Variants in MCM3AP observed in about 807,000 individuals in gnomAD.
MCM3AP encodes the protein minichromosome maintenance complex component 3 associated protein.
A neutral mutation model predicts 184.1 loss-of-function variants in MCM3AP; 126 were observed. The ratio of observed to expected loss-of-function variants is 0.68; its 90% CI spans 0.59 to 0.79. MCM3AP has a LOEUF of 0.79. MCM3AP is among the 30% of genes least tolerant of loss of function. The pLI, the probability that MCM3AP is intolerant of heterozygous loss-of-function variation, is 0.00. For synonymous variants in MCM3AP, 1,002 were observed against 979.3 expected (o/e 1.02, Z -0.43); for missense variants, 2,496 against 2,479.2 (o/e 1.01, Z -0.14).
In MCM3AP at chr21:46,261,401, C is replaced by T; in HGVS notation, c.3346G>A (p.Ala1116Thr). The T allele has an allele frequency of 6.2e-7, 1 of 1,614,028 alleles. No individual in the cohort carries two copies. Among genetic ancestry groups the T allele is most frequent in the Non-Finnish European group, 8.5e-7 (1 of 1,179,968 alleles). Residue 1116 changes from alanine to threonine, a missense_variant, in exon 14 of 28, where the codon GCT becomes ACT. This residue lies in a region of MCM3AP where 1,323 missense variants were observed against 1,273.4 expected (regional missense o/e 1.04). Coordinates refer to ENST00000291688, the MANE Select transcript of MCM3AP (RefSeq NM_003906.5). Reference sequence around the variant, plus strand: ...GCTGTTAACAAATCCTCCATAGCAGCATTAGAAACACTAAACGGAGCAAAG... The same window carrying T: ...GCTGTTAACAAATCCTCCATAGCAGTATTAGAAACACTAAACGGAGCAAAG... Reference protein sequence around the residue: ...YAAAALGVSNAAMEDLLTAAT... With the variant: ...YAAAALGVSNTAMEDLLTAAT...
At chr21:46,246,248 C>T in intron 22 of MCM3AP, 59 bp downstream of exon 22, 2 of 1,042,202 alleles carry the variant, frequency 1.9e-6, no homozygotes, top group Non-Finnish European at 1.5e-6. Flanking sequence ...ATTCAAGATA[C>T]AGCAAAAGGG....
At chr21:46,278,926 G>C (rs1186625039) in intron 4 of MCM3AP, among the ~76,000 whole-genome samples, 1 of 129,838 alleles carries the variant, frequency 7.7e-6, no homozygotes, top group Non-Finnish European at 1.6e-5. Flanking sequence ...GCCCGCCTTG[G>C]CCTCCCAAAG....
chr21:46,284,855 G>C lies in MCM3AP; in HGVS notation c.432C>G (p.Phe144Leu). The change falls in exon 1 of 28, where the codon TTC (phenylalanine) becomes TTG (leucine). Residue 144 changes from phenylalanine (F) to leucine (L), a missense_variant. Phe to Leu is a conservative substitution (Grantham distance 22). This residue lies in a region of MCM3AP where 800 missense variants were observed against 717.1 expected (regional missense o/e 1.12). Transcript: ENST00000291688. ...CTGCATTTTCCAGAGGTTTAAAGCT[G>C]AATTCTGTTTTCCCAAAACCAGAGT... Reference protein sequence around the residue: ...IVNSGFGKTEFSFKPLENAVF... With the variant: ...IVNSGFGKTELSFKPLENAVF... 1 of 1,614,150 alleles carries C rather than the reference G, an allele frequency of 6.2e-7. No individual in the cohort carries two copies. Among genetic ancestry groups the C allele is most frequent in the Non-Finnish European group, 8.5e-7 (1 of 1,180,036 alleles).
chr21:46,261,459 G>A lies in MCM3AP; in HGVS notation c.3336-48C>T, dbSNP rs567676269. 5.6e-5 allele frequency: 89 copies of A among 1,594,428 alleles called. No homozygotes were observed. The South Asian group carries it at 7.0e-4, about 13-fold the overall frequency. On this transcript the variant is annotated intron_variant, in intron 13 of 27. Coordinates refer to ENST00000291688, the MANE Select transcript of MCM3AP (RefSeq NM_003906.5). Reference sequence around the variant, plus strand: ...CATTCAAAATCAGAGTCAAGGCCGGGTGCGGTGGCTCACGCCTGTAATCCC... The same window carrying A: ...CATTCAAAATCAGAGTCAAGGCCGGATGCGGTGGCTCACGCCTGTAATCCC...
At chr21:46,282,493 G>T (rs564957108) in intron 2 of MCM3AP, among the ~76,000 whole-genome samples, 11 of 152,272 alleles carry the variant, frequency 7.2e-5, no homozygotes, top group Non-Finnish European at 1.6e-4. Context: ...CACGTTCACT[G>T]CACCCTAGAA....
chr21:46,264,064 G>C, intron 13 of MCM3AP, 53 bp downstream of exon 13: 2 of 1,267,964 alleles, frequency 1.6e-6, no homozygotes, highest in Non-Finnish European at 2.3e-6. Flanking sequence ...CTGGAGGACT[G>C]GGTGCAGCTC....
chr21:46,243,488 G>A lies in MCM3AP; in HGVS notation c.5273C>T (p.Pro1758Leu), dbSNP rs1265629583. 2 of 1,612,062 alleles carry A rather than the reference G, an allele frequency of 1.2e-6. No homozygotes were observed. Among genetic ancestry groups the A allele is most frequent in the Non-Finnish European group, 1.7e-6 (2 of 1,178,630 alleles). ...CINHKLRDWTPPRLPVTSEAL... is the reference protein window; with the variant it reads ...CINHKLRDWTLPRLPVTSEAL... Reference sequence around the variant, plus strand: ...ACCTGATGTAACAGGAAGCCGGGGGGGCGTCCAGTCTCTCAGCTTGTGGTT... The same window carrying A: ...ACCTGATGTAACAGGAAGCCGGGGGAGCGTCCAGTCTCTCAGCTTGTGGTT... Residue 1758 changes from proline to leucine, a missense_variant, in exon 24 of 28, where the codon CCC becomes CTC. By Grantham distance (98) the Pro-to-Leu change is moderately conservative (BLOSUM62 -3). Transcript: ENST00000291688.
chr21:46,273,128 C>A (rs2081203991), intron 7 of MCM3AP, among the ~76,000 whole-genome samples: 1 of 152,032 alleles, frequency 6.6e-6, no homozygotes, highest in South Asian at 2.1e-4. Context: ...GCGTGTGCCA[C>A]CACGCCAAGC....
intron 10 of MCM3AP, 95 bp downstream of exon 10, chr21:46,266,887 C>A (rs1276369919): frequency 2.2e-6 from 3 of 1,369,482 alleles, no homozygotes; most frequent in South Asian, 2.7e-5. Flanking sequence ...GCACCTTCTT[C>A]AAGTCAGGCA....
rs1225917517 is a variant in MCM3AP at position 46,245,000 on chromosome 21, C to T, written c.4845G>A (p.Val1615=). The T allele has an allele frequency of 1.2e-6, 2 of 1,614,220 alleles. No individual in the cohort carries two copies. Among genetic ancestry groups the T allele is most frequent in the Non-Finnish European group, 1.7e-6 (2 of 1,180,020 alleles). ...ACACCACAGAAGCCAGGAACTGCAG[C>T]ACACTGTTAAACAGCTCAATGATGG... ...PGAIIELFNS[V]LQFLASVVSS... Residue 1615 remains valine (V), a synonymous_variant, in exon 23 of 28, where the codon GTG becomes GTA. Transcript: ENST00000291688.
Position 46,283,745 on chromosome 21 carries a change from T to C in MCM3AP, c.1313A>G (p.Gln438Arg), listed in dbSNP as rs775216847. The stretch of plus-strand genomic sequence containing the variant: ...GAGGTAGTCAGGGATGTTCTTGCAC[T>C]GGATGGCTGTGACTTCAGAGGGAGA... ...GLSPSEVTAI[Q>R]CKNIPDYLND... The change falls in exon 2 of 28, where the codon CAG becomes CGG. Residue 438 changes from glutamine to arginine, a missense_variant. This residue lies in a region of MCM3AP where 800 missense variants were observed against 717.1 expected (regional missense o/e 1.12). Transcript: ENST00000291688. 6.2e-7 allele frequency: 1 copy of C among 1,614,148 alleles called. No individual in the cohort carries two copies. Among genetic ancestry groups the C allele is most frequent in the Non-Finnish European group, 8.5e-7 (1 of 1,179,976 alleles).
At chr21:46,272,492 A>G (rs1230716568) in intron 8 of MCM3AP, 69 bp downstream of exon 8, 5 of 1,483,280 alleles carry the variant, frequency 3.4e-6, no homozygotes, top group African/African-American at 1.4e-5. Context: ...CCACTCCTGA[A>G]AGCTCTTCTC....
intron 5 of MCM3AP, among the ~76,000 whole-genome samples, chr21:46,275,950 T>C (rs1433321636): frequency 3.3e-5 from 5 of 152,138 alleles, no homozygotes; most frequent in African/African-American, 1.2e-4. Context: ...TGTTTTCATG[T>C]TGAAAAATTC....
At chr21:46,261,606 G>T (rs969341756) in intron 13 of MCM3AP, among the ~76,000 whole-genome samples, 195 bp from the exon 14 acceptor site, 1 of 151,780 alleles carries the variant, frequency 6.6e-6, no homozygotes, top group African/African-American at 2.4e-5. Context: ...GGCAGCACAC[G>T]CCTGTAGCCC....
intron 15 of MCM3AP, among the ~76,000 whole-genome samples, chr21:46,260,530 T>C (rs1013131243): frequency 2.0e-5 from 3 of 152,240 alleles, no homozygotes; most frequent in African/African-American, 7.2e-5. Context: ...CTCAAATATA[T>C]GATAAATGCC....
intron 13 of MCM3AP, among the ~76,000 whole-genome samples, chr21:46,263,464 C>T (rs1214915693): frequency 6.6e-6 from 1 of 151,794 alleles, no homozygotes; most frequent in Admixed American, 6.6e-5. Flanking sequence ...CCCACATTCT[C>T]AGATTAGAAG....
chr21:46,245,200 G>C lies in MCM3AP; in HGVS notation c.4648-3C>G. On this transcript the variant is annotated splice_polypyrimidine_tract_variant and splice_region_variant and intron_variant, in intron 22 of 27. Coordinates refer to ENST00000291688, the MANE Select transcript of MCM3AP (RefSeq NM_003906.5). Reference sequence around the variant, plus strand: ...AGCCACTGCACTGCTTGCAAAACCTGAGAAGAAAGAAGAGACTTGGTTGAA... The same window carrying C: ...AGCCACTGCACTGCTTGCAAAACCTCAGAAGAAAGAAGAGACTTGGTTGAA... 1 of 1,575,720 alleles carries C rather than the reference G, an allele frequency of 6.3e-7. No homozygotes were observed. The highest frequency in any genetic ancestry group is 8.6e-7 in the Non-Finnish European group (1 of 1,163,618).
In MCM3AP at chr21:46,284,845, G is replaced by C. The variant is rs1459786574; in HGVS notation, c.442C>G (p.Pro148Ala). The change falls in exon 1 of 28, where the codon CCT becomes GCT. Residue 148 changes from proline (P) to alanine (A), a missense_variant. Pro to Ala is a conservative substitution (Grantham distance 27). This residue lies in a region of MCM3AP where 800 missense variants were observed against 717.1 expected (regional missense o/e 1.12). Coordinates refer to ENST00000291688, the MANE Select transcript of MCM3AP (RefSeq NM_003906.5). ...GFGKTEFSFK[P>A]LENAVFKPIL... is the part of the protein sequence containing the mutation. ...GGTTTGAACACTGCATTTTCCAGAG[G>C]TTTAAAGCTGAATTCTGTTTTCCCA... is the stretch of plus-strand genomic sequence containing the variant. 1 of 1,614,108 alleles carries C rather than the reference G, an allele frequency of 6.2e-7. No individual in the cohort carries two copies. Among genetic ancestry groups the C allele is most frequent in the South Asian group, 1.1e-5 (1 of 91,088 alleles).
intron 9 of MCM3AP, 48 bp downstream of exon 9, chr21:46,270,353 G>C: frequency 6.4e-7 from 1 of 1,557,992 alleles, no homozygotes; most frequent in South Asian, 1.2e-5. Flanking sequence ...AACAGCACAA[G>C]AACCACCTGC....
Sources: allele counts gnomAD v4.1 joint callset (sites outside exome capture counted in the v4.1 genomes callset), GRCh38; gene constraint gnomAD v4.1.1; regional missense constraint gnomAD v4.1.1; transcripts MANE v1.5; gene names NCBI Gene and HGNC (gene_info 2026-07-23, HGNC 2026-07-21).